The following ABCG1 variants were observed in gnomAD, a reference collection of about 807,000 sequenced individuals.
ABCG1 encodes the protein ATP-binding cassette sub-family G member 1.
A neutral mutation model predicts 69.2 loss-of-function variants in ABCG1; 29 were observed. The observed-to-expected ratio is 0.42, with a 90% CI of 0.31 to 0.57. The LOEUF (loss-of-function observed/expected upper bound fraction) is 0.57, where lower values mean the gene tolerates loss of function less well. Among genes scored for constraint, ABCG1 ranks in the 20% least tolerant of loss-of-function variants. The probability of loss-of-function intolerance (pLI) is 0.15; values close to 1 mark genes in which losing one functional copy is unlikely to be tolerated. For synonymous variants in ABCG1, 370 were observed against 374.8 expected (o/e 0.99, Z 0.15); for missense variants, 718 against 898.1 (o/e 0.80, Z 2.56).
intron 2 of ABCG1, among the ~76,000 whole-genome samples, chr21:42,209,508 T>C (rs994962773): frequency 2.0e-5 from 3 of 152,194 alleles, no homozygotes; most frequent in Non-Finnish European, 2.9e-5. Context: ...GGAGAGATAA[T>C]GCATATACTG....
At chr21:42,283,031 A>C (rs2068842457) in intron 6 of ABCG1, among the ~76,000 whole-genome samples, 1 of 152,134 alleles carries the variant, frequency 6.6e-6, no homozygotes, top group South Asian at 2.1e-4. Context: ...CCCCAGCCGC[A>C]GGTTGAGCTC....
intron 2 of ABCG1, among the ~76,000 whole-genome samples, chr21:42,268,669 G>A (rs2123720568): frequency 6.6e-6 from 1 of 152,308 alleles, no homozygotes; most frequent in East Asian, 1.9e-4. Flanking sequence ...TGGGTTTTGT[G>A]TCCACTGCTG....
intron 14 of ABCG1, 88 bp downstream of exon 14, chr21:42,294,748 A>T: frequency 8.2e-7 from 1 of 1,214,442 alleles, no homozygotes; most frequent in South Asian, 1.2e-5. Context: ...CACAAAAGCC[A>T]CTCTGGGCTG....
chr21:42,259,418 T>C, intron 2 of ABCG1: 2 of 1,549,896 alleles, frequency 1.3e-6, no homozygotes, highest in Non-Finnish European at 1.7e-6. Context: ...ATGTCTGTGA[T>C]TCAGCTCTTC....
At chr21:42,277,285 G>A (rs960697941) in intron 5 of ABCG1, among the ~76,000 whole-genome samples, 1 of 152,094 alleles carries the variant, frequency 6.6e-6, no homozygotes. Context: ...TAATATGATC[G>A]ATATTAAATT....
rs113888665 is a variant in ABCG1 at position 42,219,656 on chromosome 21, C to G, written c.42+352C>G. Among the ~76,000 whole-genome samples, 6 of 151,438 alleles carry G rather than the reference C, an allele frequency of 4.0e-5. No homozygotes were observed. The highest frequency in any genetic ancestry group is 5.9e-5 in the Non-Finnish European group (4 of 67,864). On this transcript the variant is annotated intron_variant, in intron 1 of 14. Coordinates refer to ENST00000398449, the MANE Select transcript of ABCG1 (RefSeq NM_016818.3). The surrounding 1 kb of genome is among the most constrained non-coding windows in gnomAD (Gnocchi z 5.3). Reference sequence around the variant, plus strand: ...CTGGGGACCCGGAGCGCACTGGGGACTGGGGAGGGGCCGCAGCTTGGGCCG... The same window carrying G: ...CTGGGGACCCGGAGCGCACTGGGGAGTGGGGAGGGGCCGCAGCTTGGGCCG...
Position 42,285,963 on chromosome 21 carries a change from C to G in ABCG1, c.942C>G (p.Asn314Lys). The G allele has an allele frequency of 2.5e-6, 4 of 1,613,962 alleles. No individual in the cohort carries two copies. The highest frequency in any genetic ancestry group is 3.4e-6 in the Non-Finnish European group (4 of 1,179,882). The change falls in exon 8 of 15, where the codon AAC becomes AAG. Residue 314 changes from asparagine (N) to lysine (K), a missense_variant. Transcript: ENST00000398449. ...LVPYLRDLGL[N>K]CPTYHNPADF... ...CATATTTGAGGGATTTGGGTCTGAACTGCCCAACCTACCACAACCCAGCAG... is the reference window on the plus strand; with the variant it reads ...CATATTTGAGGGATTTGGGTCTGAAGTGCCCAACCTACCACAACCCAGCAG...
intron 1 of ABCG1, chr21:42,220,194 G>A: frequency 1.5e-6 from 1 of 680,650 alleles, no homozygotes; most frequent in Non-Finnish European, 2.5e-6. Context: ...CACCAACATC[G>A]TAGAGGTAGC....
chr21:42,210,960 T>TTCTTCTTCTTC (rs2067583210), intron 2 of ABCG1, among the ~76,000 whole-genome samples: 1 of 123,502 alleles, frequency 8.1e-6, no homozygotes, highest in African/African-American at 3.5e-5. Context: ...TTCTTTCTTC[T>TTCTTCTTCTTC]TTTTTTTTTT....
At chr21:42,230,685 G>A (rs2123546746) in intron 2 of ABCG1, among the ~76,000 whole-genome samples, 1 of 152,374 alleles carries the variant, frequency 6.6e-6, no homozygotes, top group South Asian at 2.1e-4. Flanking sequence ...CATTTTATTA[G>A]GGCGTGATTG....
chr21:42,296,627 T>TTTG lies in ABCG1; in HGVS notation c.*237_*238insGTT. On this transcript the variant is annotated 3_prime_UTR_variant, in exon 15 of 15. Transcript: ENST00000398449. The surrounding 1 kb of genome is among the most constrained non-coding windows in gnomAD (Gnocchi z 5.4). The stretch of plus-strand genomic sequence containing the variant: ...GGAAGATGTAGGCAGATTGGTGGTT[T>TTTG]TTTTTTTTTTAACATACAGAATTTT... 1.9e-6 allele frequency: 1 copy of TTTG among 516,880 alleles called. No homozygotes were observed. The highest frequency in any genetic ancestry group is 3.5e-6 in the Non-Finnish European group (1 of 285,962). The allele number at this position is 516,880 out of a possible 1,614,324, so 32.0% of individuals were successfully genotyped here. A position where few individuals can be genotyped will look rare whatever the true frequency, so the allele number is the denominator to read the frequency against.
chr21:42,243,070 C>T (rs2068075420), intron 2 of ABCG1, among the ~76,000 whole-genome samples: 1 of 152,332 alleles, frequency 6.6e-6, no homozygotes, highest in East Asian at 1.9e-4. Context: ...GCATCACCCA[C>T]ACTTGCACCA....
intron 5 of ABCG1, among the ~76,000 whole-genome samples, chr21:42,279,917 C>T (rs935774940): frequency 6.6e-6 from 1 of 152,218 alleles, no homozygotes; most frequent in African/African-American, 2.4e-5. Flanking sequence ...GGTGCCTGGG[C>T]CCTGCCTAAG....
intron 2 of ABCG1, among the ~76,000 whole-genome samples, chr21:42,269,292 C>T (rs2068572923): frequency 6.6e-6 from 1 of 152,168 alleles, no homozygotes; most frequent in South Asian, 2.1e-4. Flanking sequence ...CCGCAGTACT[C>T]CATGGTGCAG....
At chr21:42,248,145 T>G (rs983173551) in intron 2 of ABCG1, among the ~76,000 whole-genome samples, 1 of 152,234 alleles carries the variant, frequency 6.6e-6, no homozygotes, top group Admixed American at 6.5e-5. Context: ...AGATTAGGTT[T>G]CTTTCTGCTT....
intron 2 of ABCG1, among the ~76,000 whole-genome samples, chr21:42,234,646 A>G (rs1326329541): frequency 6.6e-6 from 1 of 152,176 alleles, no homozygotes; most frequent in African/African-American, 2.4e-5. Flanking sequence ...CTGCCCACTA[A>G]GTGTCAGCTC....
intron 5 of ABCG1, among the ~76,000 whole-genome samples, chr21:42,281,158 T>A (rs2068800826): frequency 6.6e-6 from 1 of 152,130 alleles, no homozygotes; most frequent in South Asian, 2.1e-4. Context: ...AAGCTCAGAG[T>A]GGAAATTTTC....
intron 2 of ABCG1, among the ~76,000 whole-genome samples, chr21:42,241,977 C>CAAAAAAAAAAAAAAAA (rs35823612): frequency 1.1e-5 from 1 of 94,240 alleles, no homozygotes; most frequent in African/African-American, 3.9e-5. Flanking sequence ...GACCCTGTCT[C>CAAAAAAAAAAAAAAAA]AAAAAAAAAA....
intron 2 of ABCG1, among the ~76,000 whole-genome samples, chr21:42,257,193 T>C (rs1246891086): frequency 6.6e-6 from 1 of 152,182 alleles, no homozygotes; most frequent in Non-Finnish European, 1.5e-5. Context: ...CTAGAGCCGA[T>C]TTGGAAATTT....
Sources: gnomAD v4.1 joint callset for allele counts (sites outside exome capture counted in the v4.1 genomes callset) on GRCh38, gnomAD v4.1.1 for gene constraint, Gnocchi (gnomAD v3.1) non-coding constraint, MANE v1.5 for transcripts, NCBI Gene and HGNC (gene_info 2026-07-23, HGNC 2026-07-21) for gene names.